RAD52: variants seen among roughly 807,000 people sequenced by gnomAD.
RAD52 encodes DNA repair protein RAD52 homolog.
RAD52 carries 47 observed loss-of-function variants against 55.5 expected under a neutral mutation model. The observed-to-expected ratio is 0.85, with a 90% CI of 0.67 to 1.08. The LOEUF (loss-of-function observed/expected upper bound fraction) is 1.08. Among genes scored for constraint, RAD52 ranks in the 50% least tolerant of loss-of-function variants. RAD52 has a pLI of 0.00. For missense variants in RAD52, 468 were observed against 522.8 expected (o/e 0.90, Z 1.02); for synonymous variants, 184 against 198.9 (o/e 0.92, Z 0.63).
chr12:965,859 G>C (rs962128824), intron 1 of RAD52, among the ~76,000 whole-genome samples: 1 of 151,894 alleles, frequency 6.6e-6, no homozygotes, highest in Non-Finnish European at 1.5e-5. Context: ...GCTAATTTTT[G>C]TATTTTTAGT....
intron 1 of RAD52, among the ~76,000 whole-genome samples, chr12:937,536 C>G (rs11064596): frequency 3.6e-3 from 546 of 152,202 alleles, no homozygotes; most frequent in African/African-American, 0.013. Flanking sequence ...AGCAATTCTC[C>G]TGCCTCAGCC....
intron 1 of RAD52, among the ~76,000 whole-genome samples, chr12:947,195 GC>G (rs1357889522): frequency 6.6e-6 from 1 of 151,852 alleles, no homozygotes; most frequent in Non-Finnish European, 1.5e-5. Context: ...GTGTGGTGGT[GC>G]ACACCTGTAA....
At chr12:966,026 G>C (rs1468824158) in intron 1 of RAD52, among the ~76,000 whole-genome samples, 1 of 152,136 alleles carries the variant, frequency 6.6e-6, no homozygotes, top group Middle Eastern at 3.4e-3. Flanking sequence ...ACCCAGGCTG[G>C]AGTGCAGTGG....
chr12:934,899 G>T (rs1322423930), intron 1 of RAD52, among the ~76,000 whole-genome samples: 1 of 152,072 alleles, frequency 6.6e-6, no homozygotes, highest in Non-Finnish European at 1.5e-5. Flanking sequence ...GATCACCTGA[G>T]GTCAGGAGTT....
chr12:976,510 C>G (rs1350982756), intron 1 of RAD52: 2 of 152,210 alleles, frequency 1.3e-5, no homozygotes, highest in African/African-American at 4.8e-5. Flanking sequence ...AGAAGCCATG[C>G]TGAAGAGGCC....
At chr12:950,295 G>A (rs1166741080), upstream of RAD52, among the ~76,000 whole-genome samples, 4 of 152,190 alleles carry the variant, frequency 2.6e-5, no homozygotes, top group Non-Finnish European at 5.9e-5. Context: ...CCTGGGGCCG[G>A]GCGTGGTGGC....
upstream of RAD52, among the ~76,000 whole-genome samples, chr12:952,361 A>C (rs1958540327): frequency 6.6e-6 from 1 of 152,176 alleles, no homozygotes; most frequent in Non-Finnish European, 1.5e-5. Flanking sequence ...CAGCCTCCTG[A>C]GTAGCTGGGA....
At chr12:983,472 A>G (rs1327889291) in intron 1 of RAD52, among the ~76,000 whole-genome samples, 1 of 145,692 alleles carries the variant, frequency 6.9e-6, no homozygotes, top group African/African-American at 2.6e-5. Context: ...ACTGGAGAGC[A>G]ATGGCGTGAT....
intron 1 of RAD52, among the ~76,000 whole-genome samples, chr12:957,277 G>A (rs1565702146): frequency 6.6e-6 from 1 of 151,898 alleles, no homozygotes; most frequent in Non-Finnish European, 1.5e-5. Flanking sequence ...GGCCAACATG[G>A]TGAAACCCCG....
intron 1 of RAD52, among the ~76,000 whole-genome samples, chr12:981,471 C>T (rs185337167): frequency 3.3e-5 from 5 of 152,198 alleles, no homozygotes; most frequent in South Asian, 2.1e-4. Flanking sequence ...TGTATGAAAC[C>T]AGGCCAGTTA....
chr12:944,589 A>G (rs1192864636), intron 1 of RAD52, among the ~76,000 whole-genome samples: 1 of 149,382 alleles, frequency 6.7e-6, no homozygotes, highest in Admixed American at 6.8e-5. Context: ...GTGTTTTCCC[A>G]GAGGAAATAA....
intron 6 of RAD52, chr12:926,904 G>A (rs1476233004): frequency 6.5e-7 from 1 of 1,537,014 alleles, no homozygotes; most frequent in Non-Finnish European, 8.7e-7. Flanking sequence ...GCACGGAGAA[G>A]AGAGAGTACA....
At chr12:922,879 G>A (rs143803099) in intron 7 of RAD52, among the ~76,000 whole-genome samples, 1,755 of 151,886 alleles carry the variant, frequency 0.012, 20 homozygotes, top group Non-Finnish European at 0.019. Flanking sequence ...CTCCCAGGCT[G>A]GAGTGCAGTA....
chr12:944,369 C>T (rs1592433569), intron 1 of RAD52, among the ~76,000 whole-genome samples: 1 of 151,670 alleles, frequency 6.6e-6, no homozygotes, highest in Non-Finnish European at 1.5e-5. Flanking sequence ...AAACGTTAGT[C>T]GGGCATGGTG....
chr12:980,704 C>A (rs540723565), intron 1 of RAD52, among the ~76,000 whole-genome samples: 2 of 151,668 alleles, frequency 1.3e-5, no homozygotes, highest in Non-Finnish European at 2.9e-5. Context: ...TGGGTTCAGG[C>A]CTCCTGCCTC....
At chr12:921,588 C>T (rs1161850986) in intron 7 of RAD52, among the ~76,000 whole-genome samples, 2 of 151,892 alleles carry the variant, frequency 1.3e-5, no homozygotes, top group Non-Finnish European at 2.9e-5. Context: ...CTCCAGCCTG[C>T]GTGGGAGGAT....
intron 1 of RAD52, among the ~76,000 whole-genome samples, chr12:971,842 G>A (rs1321059918): frequency 2.1e-5 from 3 of 141,516 alleles, no homozygotes; most frequent in South Asian, 4.2e-4. Flanking sequence ...CCGCCCCCCG[G>A]GGTTCACGCC....
At chr12:914,329 C>A in intron 10 of RAD52, 102 bp downstream of exon 10, 1 of 1,519,096 alleles carries the variant, frequency 6.6e-7, no homozygotes, top group East Asian at 2.4e-5. Flanking sequence ...ACCCCCTCAA[C>A]AAAACCACAC....
At chr12:913,588 G>A in intron 11 of RAD52, 136 bp from the exon 12 acceptor site, 1 of 804,168 alleles carries the variant, frequency 1.2e-6, no homozygotes, top group Non-Finnish European at 2.0e-6. Flanking sequence ...GAGGAAGGCA[G>A]ATGATTCTCC....
Sources: allele counts gnomAD v4.1 joint callset (sites outside exome capture counted in the v4.1 genomes callset), GRCh38; gene constraint gnomAD v4.1.1; transcripts MANE v1.5; gene names NCBI Gene and HGNC (gene_info 2026-07-23, HGNC 2026-07-21).